Variants in NRXN3 observed in about 807,000 individuals in gnomAD.
NRXN3 encodes neurexin 3.
NRXN3 carries 32 observed loss-of-function variants against 137.6 expected under a neutral mutation model. The observed-to-expected ratio is 0.23, with a 90% CI of 0.18 to 0.31. The LOEUF is 0.31. NRXN3 is among the 10% of genes least tolerant of loss of function. The pLI is 1.00. For missense variants in NRXN3, 1,574 were observed against 2,062.5 expected (o/e 0.76, Z 4.59); for synonymous variants, 798 against 784.5 (o/e 1.02, Z -0.29).
intron 4 of NRXN3, among the ~76,000 whole-genome samples, chr14:78,333,088 T>A (rs1396767087): frequency 6.6e-6 from 1 of 152,236 alleles, no homozygotes; most frequent in African/African-American, 2.4e-5. Flanking sequence ...GGTCCCTGGA[T>A]AAATTTGCAA....
intron 19 of NRXN3, among the ~76,000 whole-genome samples, chr14:79,710,864 A>G (rs1259650101): frequency 2.0e-5 from 3 of 152,216 alleles, no homozygotes; most frequent in African/African-American, 7.2e-5. Flanking sequence ...AAAGAATGAA[A>G]TAGAAATTTT....
At chr14:78,672,058 G>A (rs1288525120) in intron 6 of NRXN3, among the ~76,000 whole-genome samples, 1 of 152,114 alleles carries the variant, frequency 6.6e-6, no homozygotes, top group African/African-American at 2.4e-5. Flanking sequence ...TAAAGATGTA[G>A]TTGGTGCAAA....
intron 19 of NRXN3, among the ~76,000 whole-genome samples, chr14:79,704,814 T>G (rs538172836): frequency 3.9e-5 from 6 of 152,288 alleles, no homozygotes; most frequent in African/African-American, 1.4e-4. Flanking sequence ...CCTGGTAAGA[T>G]TCTCTGGTGA....
At chr14:78,960,914 A>G (rs1173647475) in intron 11 of NRXN3, among the ~76,000 whole-genome samples, 2 of 152,220 alleles carry the variant, frequency 1.3e-5, no homozygotes, top group Admixed American at 1.3e-4. Flanking sequence ...TGTGCGGTCA[A>G]ACAAAATGAA....
chr14:78,594,088 G>C (rs1198482231), intron 4 of NRXN3, among the ~76,000 whole-genome samples: 1 of 152,196 alleles, frequency 6.6e-6, no homozygotes, highest in Non-Finnish European at 1.5e-5. Flanking sequence ...TCCAGGGCCA[G>C]AGAGAGTGAC....
chr14:79,719,028 G>T (rs541989830), intron 19 of NRXN3, among the ~76,000 whole-genome samples: 2 of 152,152 alleles, frequency 1.3e-5, no homozygotes, highest in Non-Finnish European at 2.9e-5. Flanking sequence ...GATTTTAAAT[G>T]TTACCTTCTT....
chr14:79,603,882 C>A (rs553289909), intron 16 of NRXN3, among the ~76,000 whole-genome samples: 13 of 151,630 alleles, frequency 8.6e-5, no homozygotes, highest in Admixed American at 2.6e-4. Context: ...ATGAAAAATT[C>A]TTAGAACAAT....
At chr14:79,500,256 A>C (rs998453315) in intron 16 of NRXN3, among the ~76,000 whole-genome samples, 232 of 141,892 alleles carry the variant, frequency 1.6e-3, no homozygotes, top group African/African-American at 5.9e-3. Context: ...AAAAAAAAAA[A>C]CCCATAGGAA....
At chr14:78,220,002 G>A (rs993375215) in intron 1 of NRXN3, among the ~76,000 whole-genome samples, 7 of 152,106 alleles carry the variant, frequency 4.6e-5, no homozygotes, top group Non-Finnish European at 7.4e-5. Flanking sequence ...TGAGAAGATA[G>A]CATCAGAACA....
At chr14:79,091,288 G>A (rs1037200492) in intron 15 of NRXN3, among the ~76,000 whole-genome samples, 5 of 152,092 alleles carry the variant, frequency 3.3e-5, no homozygotes, top group Non-Finnish European at 2.9e-5. Context: ...TCTATATAAG[G>A]TCTGGAATGT....
At chr14:78,925,205 A>G (rs748704291) in intron 10 of NRXN3, among the ~76,000 whole-genome samples, 3 of 152,242 alleles carry the variant, frequency 2.0e-5, no homozygotes, top group Non-Finnish European at 4.4e-5. Context: ...AAGTCTGTCT[A>G]GAAATCAATT....
intron 19 of NRXN3, among the ~76,000 whole-genome samples, chr14:79,741,571 G>A (rs77628375): frequency 0.32 from 49,009 of 151,636 alleles, 8,565 homozygotes; most frequent in Middle Eastern, 0.43. Context: ...TGCAACCTCC[G>A]TCCCCCAGGT....
chr14:78,533,177 G>A (rs1287731374), intron 4 of NRXN3, among the ~76,000 whole-genome samples: 1 of 141,418 alleles, frequency 7.1e-6, no homozygotes, highest in Non-Finnish European at 1.5e-5. Flanking sequence ...TTGGCTCACT[G>A]CAACTTCTGC....
intron 15 of NRXN3, among the ~76,000 whole-genome samples, chr14:79,275,037 C>G (rs1489274049): frequency 6.6e-6 from 1 of 152,006 alleles, no homozygotes; most frequent in African/African-American, 2.4e-5. Context: ...TCAAAATCCG[C>G]TTTTATGTAG....
chr14:78,796,541 A>T (rs1198118179), intron 8 of NRXN3, among the ~76,000 whole-genome samples: 1 of 152,226 alleles, frequency 6.6e-6, no homozygotes, highest in Non-Finnish European at 1.5e-5. Flanking sequence ...TGATACCAGC[A>T]GCAATGAGCA....
At chr14:79,629,039 T>C (rs1228285149) in intron 16 of NRXN3, among the ~76,000 whole-genome samples, 2 of 152,218 alleles carry the variant, frequency 1.3e-5, no homozygotes, top group Non-Finnish European at 2.9e-5. Context: ...GGTTCTCTAG[T>C]TCATCAAAAA....
chr14:78,469,647 G>T (rs1004590875), intron 4 of NRXN3, among the ~76,000 whole-genome samples: 27 of 152,084 alleles, frequency 1.8e-4, no homozygotes, highest in African/African-American at 6.5e-4. Context: ...GAAGCACAAG[G>T]GCTTGTTAGT....
intron 1 of NRXN3, among the ~76,000 whole-genome samples, chr14:78,193,760 T>TTAAA: frequency 2.0e-5 from 1 of 49,688 alleles, no homozygotes; most frequent in Admixed American, 2.0e-4. Flanking sequence ...AAACTCTGTC[T>TTAAA]CAAAAAAAAA....
chr14:79,796,248 A>C (rs2099160642), intron 19 of NRXN3, among the ~76,000 whole-genome samples: 1 of 152,184 alleles, frequency 6.6e-6, no homozygotes, highest in Non-Finnish European at 1.5e-5. Context: ...CTCCTAAATA[A>C]TATGTAATTT....
Sources: gnomAD v4.1 joint callset for allele counts (sites outside exome capture counted in the v4.1 genomes callset) on GRCh38, gnomAD v4.1.1 for gene constraint, MANE v1.5 for transcripts, NCBI Gene and HGNC (gene_info 2026-07-23, HGNC 2026-07-21) for gene names.